Variants in CACHD1 observed in about 807,000 individuals in gnomAD.
CACHD1 encodes cache domain containing 1.
In CACHD1, 71 loss-of-function variants were observed where a neutral mutation model predicts 138.7. The ratio of observed to expected loss-of-function variants is 0.51; its 90% confidence interval spans 0.42 to 0.62. The LOEUF (loss-of-function observed/expected upper bound fraction) is 0.62, where lower values mean the gene tolerates loss of function less well. Ranked by LOEUF, CACHD1 falls within the 20% of genes least tolerant of loss-of-function variation. The pLI is 0.00. For missense variants in CACHD1, 1,389 were observed against 1,625.3 expected (o/e 0.85, Z 2.50); for synonymous variants, 578 against 591.5 (o/e 0.98, Z 0.33).
At chr1:64,501,826 A>C (rs1302626271) in intron 1 of CACHD1, among the ~76,000 whole-genome samples, 1 of 152,218 alleles carries the variant, frequency 6.6e-6, no homozygotes, top group Non-Finnish European at 1.5e-5. Flanking sequence ...AATAAAACAC[A>C]GTTGATCTTT....
At position 64,582,200 on chromosome 1, in the gene CACHD1, G is replaced by T; in HGVS notation, c.306G>T (p.Val102=). Reference sequence around the variant, plus strand: ...AGAAGTTCAACCGTTACTTGGATGTGGTCAATCGGAACAAGCAAGTTGTAG... The same window carrying T: ...AGAAGTTCAACCGTTACTTGGATGTTGTCAATCGGAACAAGCAAGTTGTAG... The part of the protein sequence containing the change: ...IREKFNRYLD[V]VNRNKQVVEA... Residue 102 remains valine, a synonymous_variant, in exon 3 of 27, where the codon GTG becomes GTT. Transcript: ENST00000651257. 1 of 1,613,940 alleles carries T rather than the reference G, an allele frequency of 6.2e-7. No homozygotes were observed. Among genetic ancestry groups the T allele is most frequent in the Non-Finnish European group, 8.5e-7 (1 of 1,179,890 alleles).
intron 5 of CACHD1, among the ~76,000 whole-genome samples, chr1:64,631,480 T>C (rs1211546702): frequency 6.6e-6 from 1 of 152,166 alleles, no homozygotes; most frequent in Non-Finnish European, 1.5e-5. Flanking sequence ...TTGGCCAGAT[T>C]TTGAGTTTTT....
intron 1 of CACHD1, among the ~76,000 whole-genome samples, chr1:64,529,909 T>C (rs1052869369): frequency 6.6e-6 from 1 of 152,252 alleles, no homozygotes; most frequent in Admixed American, 6.5e-5. Flanking sequence ...AGGTCTTCTA[T>C]GATTTTGGCC....
chr1:64,564,758 A>G (rs1019671592), intron 2 of CACHD1, among the ~76,000 whole-genome samples: 5 of 152,154 alleles, frequency 3.3e-5, no homozygotes, highest in African/African-American at 7.2e-5. Context: ...GAGCTAGTAG[A>G]AGCTTTTAAT....
chr1:64,511,362 G>A (rs1449479806), intron 1 of CACHD1, among the ~76,000 whole-genome samples: 6 of 152,086 alleles, frequency 3.9e-5, no homozygotes, highest in African/African-American at 1.4e-4. Context: ...TCAAATCCCT[G>A]GTTCTTTCCA....
chr1:64,533,058 A>G lies in CACHD1; in HGVS notation c.199-17536A>G, dbSNP rs569417723. Among the ~76,000 whole-genome samples the G allele has an allele frequency of 2.6e-5, 4 of 152,206 alleles. No individual in the cohort carries two copies. The South Asian group carries it at 6.2e-4, about 24-fold the overall frequency. ...GGCTGGAGTTCCCAACAGAGCCCCA[A>G]AGAGGGGCCTTGCAGGGCCAGGCAT... On this transcript the variant is annotated intron_variant, in intron 1 of 26. Coordinates refer to ENST00000651257, the MANE Select transcript of CACHD1 (RefSeq NM_020925.4).
chr1:64,488,205 A>G (rs1646254341), intron 1 of CACHD1, among the ~76,000 whole-genome samples: 1 of 152,214 alleles, frequency 6.6e-6, no homozygotes, highest in Non-Finnish European at 1.5e-5. Context: ...TCTAGTTCCC[A>G]AAAAATTAAA....
chr1:64,619,995 A>C (rs1647852306), intron 4 of CACHD1, among the ~76,000 whole-genome samples: 1 of 152,220 alleles, frequency 6.6e-6, no homozygotes, highest in South Asian at 2.1e-4. Flanking sequence ...AATATCTAGA[A>C]TGATACCTGG....
At chr1:64,523,839 G>GTA in intron 1 of CACHD1, among the ~76,000 whole-genome samples, 1 of 120,310 alleles carries the variant, frequency 8.3e-6, no homozygotes, top group Admixed American at 8.6e-5. Flanking sequence ...CAATGATTGT[G>GTA]CTGTTTGTAG....
intron 3 of CACHD1, 127 bp from the exon 4 acceptor site, chr1:64,602,679 T>C (rs1311260182): frequency 1.5e-6 from 1 of 652,922 alleles, no homozygotes; most frequent in African/African-American, 1.9e-5. Context: ...TTTTTGAATA[T>C]TTAAATCTAA....
intron 1 of CACHD1, among the ~76,000 whole-genome samples, chr1:64,528,214 T>C (rs1165518017): frequency 6.6e-6 from 1 of 152,206 alleles, no homozygotes; most frequent in East Asian, 1.9e-4. Flanking sequence ...TTCTTTACTG[T>C]TTCTGAAAGG....
In CACHD1 at chr1:64,611,605, T is replaced by C. The variant is rs188209783; in HGVS notation, c.517+8693T>C. Among the ~76,000 whole-genome samples, 154 of 152,304 alleles carry C rather than the reference T, an allele frequency of 1.0e-3. 2 individuals carry two copies. Among genetic ancestry groups the C allele is most frequent in the Non-Finnish European group, 2.0e-3 (138 of 68,022 alleles). On this transcript the variant is annotated intron_variant, in intron 4 of 26. Coordinates refer to ENST00000651257, the MANE Select transcript of CACHD1 (RefSeq NM_020925.4). ...AAAGCATAGCAAGAGTGGCCTTTGC[T>C]CCAGTTCCCAATAAGTTCCTCATCC...
At chr1:64,658,197 G>A (rs574023141) in intron 12 of CACHD1, among the ~76,000 whole-genome samples, 2 of 152,308 alleles carry the variant, frequency 1.3e-5, no homozygotes, top group African/African-American at 2.4e-5. Context: ...GAAAGCATTC[G>A]TTGGAATAGA....
intron 1 of CACHD1, among the ~76,000 whole-genome samples, chr1:64,514,427 G>C (rs1238640349): frequency 6.6e-6 from 1 of 152,190 alleles, no homozygotes; most frequent in African/African-American, 2.4e-5. Context: ...ACTCTTGCCA[G>C]CTTGACTGTG....
chr1:64,661,868 A>G (rs980957434), intron 13 of CACHD1, among the ~76,000 whole-genome samples: 5 of 152,240 alleles, frequency 3.3e-5, no homozygotes, highest in African/African-American at 1.2e-4. Flanking sequence ...ATGGCAGACT[A>G]GGTAATTCTA....
chr1:64,578,877 G>A (rs901123948), intron 2 of CACHD1, among the ~76,000 whole-genome samples: 4 of 152,158 alleles, frequency 2.6e-5, no homozygotes, highest in African/African-American at 9.7e-5. Context: ...ACTAGTAGAA[G>A]CCATCATAAG....
chr1:64,483,488 A>G (rs1646223194), intron 1 of CACHD1, among the ~76,000 whole-genome samples: 3 of 152,062 alleles, frequency 2.0e-5, no homozygotes, highest in Admixed American at 2.0e-4. Context: ...AATCTTATAA[A>G]TATACATTGT....
intron 26 of CACHD1, among the ~76,000 whole-genome samples, chr1:64,684,360 CTTCTTT>C (rs1650289203): frequency 1.4e-5 from 1 of 71,598 alleles, no homozygotes. Context: ...TCTTCTTCTT[CTTCTTT>C]TTTTTTTTTT....
chr1:64,551,742 A>G (rs1646760665), intron 2 of CACHD1, among the ~76,000 whole-genome samples: 1 of 152,202 alleles, frequency 6.6e-6, no homozygotes, highest in Non-Finnish European at 1.5e-5. Context: ...TCCTGTTTAT[A>G]GACATTGAGT....
Sources: allele counts gnomAD v4.1 joint callset (sites outside exome capture counted in the v4.1 genomes callset), GRCh38; gene constraint gnomAD v4.1.1; transcripts MANE v1.5; gene names NCBI Gene and HGNC (gene_info 2026-07-23, HGNC 2026-07-21).